Variants in CAND2 observed in about 807,000 individuals in gnomAD.
The protein encoded by CAND2 is cullin associated and neddylation dissociated 2 (putative), also known as cullin-associated NEDD8-dissociated protein 2.
Under a neutral mutation model 98.9 loss-of-function variants are expected in CAND2, and 62 were observed. That is an observed-to-expected ratio of 0.63 (90% confidence interval 0.51 to 0.77). The LOEUF (loss-of-function observed/expected upper bound fraction) is 0.77, where lower values mean the gene tolerates loss of function less well. CAND2 is among the 30% of genes least tolerant of loss of function. CAND2 has a pLI of 0.00. For synonymous variants in CAND2, 770 were observed against 731.9 expected (o/e 1.05, Z -0.84); for missense variants, 1,501 against 1,655.2 (o/e 0.91, Z 1.62).
In CAND2 at chr3:12,817,063, G is replaced by A. The variant is rs1559554032; in HGVS notation, c.2131G>A (p.Ala711Thr). 11 of 1,612,790 alleles carry A rather than the reference G, an allele frequency of 6.8e-6. No homozygotes were observed. Among genetic ancestry groups the A allele is most frequent in the Non-Finnish European group, 9.3e-6 (11 of 1,179,976 alleles). ...ALVNESDMHV[A>T]QLAVDFLATV... ...GGTCAACGAGAGCGACATGCATGTG[G>A]CCCAGCTGGCTGTGGACTTCCTTGC... The change falls in exon 10 of 15, where the codon GCC (alanine) becomes ACC (threonine). Residue 711 changes from alanine (A) to threonine (T), a missense_variant. Ala to Thr is a moderately conservative substitution (Grantham distance 58, BLOSUM62 0). Transcript: ENST00000456430.
chr3:12,822,715 C>G (rs2061966932), intron 11 of CAND2, among the ~76,000 whole-genome samples: 2 of 152,148 alleles, frequency 1.3e-5, no homozygotes, highest in African/African-American at 4.8e-5. Context: ...GTCCTGATTC[C>G]TTTTAGTGGA....
chr3:12,816,660 G>A lies in CAND2; in HGVS notation c.1728G>A (p.Ala576=), dbSNP rs1323579130. Reference sequence around the variant, plus strand: ...GAGAGATGTCTGCTGTCACCCTGGCGCGACTTCGTGCCACTGACCTGGACC... The same window carrying A: ...GAGAGATGTCTGCTGTCACCCTGGCACGACTTCGTGCCACTGACCTGGACC... The part of the protein sequence containing the change: ...YVGEMSAVTL[A]RLRATDLDQE... The change falls in exon 10 of 15, where the codon GCG becomes GCA. Residue 576 remains alanine (A), a synonymous_variant. Transcript: ENST00000456430. The A allele has an allele frequency of 6.2e-6, 10 of 1,613,652 alleles. No individual in the cohort carries two copies. The highest frequency in any genetic ancestry group is 1.1e-5 in the South Asian group (1 of 91,086).
Position 12,816,317 on chromosome 3 carries a change from G to A in CAND2, c.1442-57G>A. On this transcript the variant is annotated intron_variant, in intron 9 of 14. Coordinates refer to ENST00000456430, the MANE Select transcript of CAND2 (RefSeq NM_001162499.2). ...GTAGGTACCCCAGCCTTGCTTCCAG[G>A]GAGGGCCGTGTTGCATCAGAGGCGG... is the stretch of plus-strand genomic sequence containing the variant. 6.0e-6 allele frequency: 9 copies of A among 1,511,302 alleles called. No individual in the cohort carries two copies. The South Asian group carries it at 1.1e-4, about 19-fold the overall frequency. 93.6% of individuals were successfully genotyped at this position (1,511,302 alleles called of 1,614,324 possible).
At chr3:12,830,018 G>A (rs374366396) in intron 13 of CAND2, among the ~76,000 whole-genome samples, 1 of 152,176 alleles carries the variant, frequency 6.6e-6, no homozygotes, top group Non-Finnish European at 1.5e-5. Flanking sequence ...CTTCTAGGGT[G>A]GAGTGCATGT....
In CAND2 at chr3:12,825,594, C is replaced by A; in HGVS notation, c.3165C>A (p.Pro1055=). ...GGGACCTGCTGGATGACATCCTGCC[C>A]CTCCTCTACCAGGAGACAAAGATCC... The part of the protein sequence containing the change: ...LVRDLLDDIL[P]LLYQETKIRR... The change falls in exon 12 of 15, where the codon CCC becomes CCA. Residue 1055 remains proline (P), a synonymous_variant. Coordinates refer to ENST00000456430, the MANE Select transcript of CAND2 (RefSeq NM_001162499.2). 1 of 1,609,758 alleles carries A rather than the reference C, an allele frequency of 6.2e-7. No individual in the cohort carries two copies. Among genetic ancestry groups the A allele is most frequent in the East Asian group, 2.2e-5 (1 of 44,812 alleles).
At position 12,813,128 on chromosome 3, in the gene CAND2, T is replaced by C. The variant is rs1412415105; in HGVS notation, c.863+33T>C. On this transcript the variant is annotated intron_variant, in intron 6 of 14. Transcript: ENST00000456430. ...TGGTGGGGTTGCCTGGGGATCCCTT[T>C]GGGAAGTTGGTGGGGATGCTGGCCC... The C allele has an allele frequency of 1.3e-5, 20 of 1,567,286 alleles. No homozygotes were observed. In the South Asian group the frequency reaches 2.1e-4, roughly 16 times the overall value.
At chr3:12,803,464 A>G (rs772914074) in intron 1 of CAND2, 24 bp from the exon 2 acceptor site, 6 of 1,569,420 alleles carry the variant, frequency 3.8e-6, no homozygotes, top group Non-Finnish European at 4.3e-6. Context: ...CTGCTCAGCA[A>G]TCTCCTCCAC....
Position 12,816,837 on chromosome 3 carries a change from G to T in CAND2, c.1905G>T (p.Thr635=), listed in dbSNP as rs546530752. 3 of 1,613,762 alleles carry T rather than the reference G, an allele frequency of 1.9e-6. No homozygotes were observed. The highest frequency in any genetic ancestry group is 2.5e-6 in the Non-Finnish European group (3 of 1,180,038). ...GGCTGCCCGCCATCAAGGCGCTTAC[G>T]CTGGTGGCCGTATCCCCACTACAGC... ...ITRLPAIKAL[T]LVAVSPLQLD... is the part of the protein sequence containing the mutation. The change falls in exon 10 of 15, where the codon ACG becomes ACT. Residue 635 remains threonine, a synonymous_variant. Transcript: ENST00000456430.
chr3:12,821,069 A>G (rs1343333803), intron 11 of CAND2, among the ~76,000 whole-genome samples: 1 of 152,120 alleles, frequency 6.6e-6, no homozygotes, highest in East Asian at 1.9e-4. Context: ...CCCTGTCTCT[A>G]CTAAAAATAC....
At chr3:12,832,440 A>G (rs1040270107) in intron 14 of CAND2, 4 of 152,228 alleles carry the variant, frequency 2.6e-5, no homozygotes, top group African/African-American at 9.6e-5. Flanking sequence ...CTGCAGTGCC[A>G]GAACATTCTT....
Position 12,815,197 on chromosome 3 carries a change from G to A in CAND2, c.1063G>A (p.Ala355Thr), listed in dbSNP as rs552861929. 1.4e-5 allele frequency: 22 copies of A among 1,613,758 alleles called. No individual in the cohort carries two copies. The South Asian group carries it at 2.1e-4, about 15-fold the overall frequency. The change falls in exon 8 of 15, where the codon GCT becomes ACT. Residue 355 changes from alanine (A) to threonine (T), a missense_variant. Transcript: ENST00000456430. This position sits in a 1 kb window ranked among gnomAD's most constrained non-coding sequence, Gnocchi z 5.7. ...DDMSWKVRRA[A>T]AKCIAALISS... ...CATGAGCTGGAAGGTGCGCCGGGCA[G>A]CTGCCAAGTGCATCGCAGCCTTGAT...
chr3:12,815,477 C>T lies in CAND2; in HGVS notation c.1299+44C>T, dbSNP rs1478194193. 6.4e-7 allele frequency: 1 copy of T among 1,552,804 alleles called. No homozygotes were observed. Among genetic ancestry groups the T allele is most frequent in the Admixed American group, 1.7e-5 (1 of 57,180 alleles). ...CCACCCCTACCCCCGATTTGCCTAC[C>T]CAGCCACTCACTGTTAGTGTCCCTG... is the stretch of plus-strand genomic sequence containing the variant. On this transcript the variant is annotated intron_variant, in intron 8 of 14. Transcript: ENST00000456430. This position sits in a 1 kb window ranked among gnomAD's most constrained non-coding sequence, Gnocchi z 5.7.
intron 1 of CAND2, among the ~76,000 whole-genome samples, chr3:12,797,757 G>C (rs1235990757): frequency 8.7e-6 from 1 of 114,566 alleles, no homozygotes; most frequent in African/African-American, 4.7e-5. Flanking sequence ...GAGACATGAA[G>C]GGCGTAGGTT....
intron 1 of CAND2, among the ~76,000 whole-genome samples, chr3:12,802,681 A>C (rs1473794122): frequency 6.6e-6 from 1 of 152,236 alleles, no homozygotes; most frequent in African/African-American, 2.4e-5. Flanking sequence ...AACCATGCCC[A>C]CTGCCCAAAT....
Position 12,834,012 on chromosome 3 carries a change from TAA to T in CAND2, c.*31_*32del. 3.8e-6 allele frequency: 6 copies of T among 1,591,440 alleles called. No homozygotes were observed. The South Asian group carries it at 6.6e-5, about 18-fold the overall frequency. On this transcript the variant is annotated 3_prime_UTR_variant, in exon 15 of 15. Transcript: ENST00000456430. ...CTCAGCACCAAGGTGGGCCCTCGCTTAAGAGAAAGGAGCCCACCCAAGTCCGA... is the reference window on the plus strand; with the variant it reads ...CTCAGCACCAAGGTGGGCCCTCGCTTGAGAAAGGAGCCCACCCAAGTCCGA...
At chr3:12,817,910 T>G in intron 10 of CAND2, 34 bp downstream of exon 10, 4 of 1,475,964 alleles carry the variant, frequency 2.7e-6, no homozygotes, top group Non-Finnish European at 3.6e-6. Flanking sequence ...GCAGCCCACC[T>G]CGGAGGTGGG....
chr3:12,805,578 A>T (rs931035820), intron 2 of CAND2, among the ~76,000 whole-genome samples: 2 of 152,128 alleles, frequency 1.3e-5, no homozygotes, highest in African/African-American at 2.4e-5. Context: ...ATGAGCCACC[A>T]CACCCAGCCA....
At chr3:12,820,610 G>A (rs1019067304) in intron 11 of CAND2, among the ~76,000 whole-genome samples, 10 of 152,140 alleles carry the variant, frequency 6.6e-5, no homozygotes, top group South Asian at 2.1e-4. Context: ...TGCTCCCCCC[G>A]GCCCCGCCTG....
chr3:12,810,354 G>A, intron 5 of CAND2, 30 bp downstream of exon 5: 1 of 1,406,412 alleles, frequency 7.1e-7, no homozygotes, highest in Non-Finnish European at 9.2e-7. Context: ...GGCCTGGGCT[G>A]GCATGGTGGG....
Sources: gnomAD v4.1 joint callset for allele counts (sites outside exome capture counted in the v4.1 genomes callset) on GRCh38, gnomAD v4.1.1 for gene constraint, Gnocchi (gnomAD v3.1) non-coding constraint, MANE v1.5 for transcripts, NCBI Gene and HGNC (gene_info 2026-07-23, HGNC 2026-07-21) for gene names.